The following NACC2 variants were observed in gnomAD, a reference collection of about 807,000 sequenced individuals.
NACC2 encodes NACC family member 2.
A neutral mutation model predicts 25.1 loss-of-function variants in NACC2; 8 were observed. The ratio of observed to expected loss-of-function variants is 0.32; its 90% confidence interval spans 0.19 to 0.57. The LOEUF (loss-of-function observed/expected upper bound fraction) is 0.57. NACC2 is among the 20% of genes least tolerant of loss of function. The pLI is 0.89. For synonymous variants in NACC2, 435 were observed against 294.7 expected, an observed-to-expected ratio of 1.48 and a Z score of -4.88; for missense variants, 644 against 650.2, an observed-to-expected ratio of 0.99 and a Z score of 0.10.
chr9:136,049,073 TAGGGCA>T (rs1212771588), intron 2 of NACC2, among the ~76,000 whole-genome samples: 1 of 152,170 alleles, frequency 6.6e-6, no homozygotes, highest in Non-Finnish European at 1.5e-5. Context: ...AATCTCCAAT[TAGGGCA>T]ACCTGGGTTT....
intron 1 of NACC2, among the ~76,000 whole-genome samples, chr9:136,078,797 T>C (rs923452155): frequency 1.3e-5 from 2 of 152,192 alleles, no homozygotes; most frequent in East Asian, 3.9e-4. Context: ...TGGTCCCCAG[T>C]AAGCACCCCC....
chr9:136,011,924 C>T lies in NACC2; in HGVS notation c.1356G>A (p.Leu452=), dbSNP rs1278883424. ...TNARRVRKRW[L]PKIKSMLPEG... ...CCGGCAGCATGGACTTGATCTTGGGCAGCCAGCGCTTGCGAACGCGGCGGG... is the reference window on the plus strand; with the variant it reads ...CCGGCAGCATGGACTTGATCTTGGGTAGCCAGCGCTTGCGAACGCGGCGGG... The change falls in exon 6 of 6, where the codon CTG becomes CTA. Residue 452 remains leucine (L), a synonymous_variant. Transcript: ENST00000277554. 6.3e-6 allele frequency: 10 copies of T among 1,597,676 alleles called. No individual in the cohort carries two copies. The highest frequency in any genetic ancestry group is 1.3e-5 in the African/African-American group (1 of 74,546).
chr9:136,090,197 A>G (rs1462438554), intron 1 of NACC2, among the ~76,000 whole-genome samples: 1 of 152,266 alleles, frequency 6.6e-6, no homozygotes, highest in Non-Finnish European at 1.5e-5. Flanking sequence ...AGATGGGCAC[A>G]GCCCCCGAGG....
rs1346192688 is a variant in NACC2, at chr9:136,016,304, A to C, written c.1012T>G (p.Ser338Ala). The change falls in exon 3 of 6, where the codon TCG becomes GCG. Residue 338 changes from serine (S) to alanine (A), a missense_variant. By Grantham distance (99) the Ser-to-Ala change is moderately conservative. Transcript: ENST00000277554. ...AGCTTCTCCCCGGGGTCCCCTTCCG[A>C]GTAGAGCTTGGGATGGCAGCGGTAT... ...IGYRCHPKLY[S>A]EGDPGEKLEL... The C allele has an allele frequency of 1.1e-5, 17 of 1,612,762 alleles. No homozygotes were observed. The highest frequency in any genetic ancestry group is 1.4e-5 in the Non-Finnish European group (17 of 1,179,994).
rs1830379122 is a variant in NACC2 at position 136,086,403 on chromosome 9, G to A, written c.-60+8786C>T. On this transcript the variant is annotated intron_variant, in intron 1 of 5. Coordinates refer to ENST00000277554, the MANE Select transcript of NACC2 (RefSeq NM_144653.5). The surrounding 1 kb of genome is among the most constrained non-coding windows in gnomAD (Gnocchi z 5.6). ...AGGGCTGAGCCCTGGGGCAGCTGCT[G>A]GTCTGGATGGCACCGGGCCTGGCTC... Among the ~76,000 whole-genome samples, 1 of 152,178 alleles carries A rather than the reference G, an allele frequency of 6.6e-6. No individual in the cohort carries two copies. The highest frequency in any genetic ancestry group is 2.4e-5 in the African/African-American group (1 of 41,444).
intron 1 of NACC2, among the ~76,000 whole-genome samples, chr9:136,071,914 G>A (rs114187237): frequency 0.01 from 1,537 of 152,180 alleles, 27 homozygotes; most frequent in African/African-American, 0.035. Flanking sequence ...CAAATGTGCT[G>A]AACTCCACCC....
At position 136,036,277 on chromosome 9, in the gene NACC2, T is replaced by C. The variant is rs936135462; in HGVS notation, c.886+13359A>G. On this transcript the variant is annotated intron_variant, in intron 2 of 5. Transcript: ENST00000277554. Reference sequence around the variant, plus strand: ...GACTCATTATTGAAATTCTACCTAATACCACTGTGAGAGAATCAAGGACGG... The same window carrying C: ...GACTCATTATTGAAATTCTACCTAACACCACTGTGAGAGAATCAAGGACGG... Among the ~76,000 whole-genome samples the C allele has an allele frequency of 2.2e-4, 34 of 152,144 alleles. 1 individual carries two copies. Among genetic ancestry groups the C allele is most frequent in the African/African-American group, 7.7e-4 (32 of 41,428 alleles).
At chr9:136,081,664 G>C (rs1830325807) in intron 1 of NACC2, among the ~76,000 whole-genome samples, 2 of 152,218 alleles carry the variant, frequency 1.3e-5, no homozygotes, top group Admixed American at 1.3e-4. Flanking sequence ...GAAAACCCAA[G>C]GGCCCAGGGA....
At chr9:136,057,897 T>A (rs1026733563) in intron 1 of NACC2, among the ~76,000 whole-genome samples, 8 of 152,202 alleles carry the variant, frequency 5.3e-5, no homozygotes, top group African/African-American at 1.7e-4. Context: ...TGGAGCGTGC[T>A]GGGCCCCGCT....
intron 1 of NACC2, among the ~76,000 whole-genome samples, chr9:136,091,221 C>T (rs1830431258): frequency 6.6e-6 from 1 of 152,262 alleles, no homozygotes; most frequent in Non-Finnish European, 1.5e-5. Context: ...CCCAGGCCAG[C>T]CCCAGCCGGC....
chr9:136,029,303 A>G (rs1040712923), intron 2 of NACC2, among the ~76,000 whole-genome samples: 24 of 152,112 alleles, frequency 1.6e-4, no homozygotes, highest in Non-Finnish European at 3.4e-4. Context: ...CTCAGCTGAG[A>G]GCTGAGCAGA....
chr9:136,082,654 C>A (rs566581428), intron 1 of NACC2, among the ~76,000 whole-genome samples: 31 of 105,602 alleles, frequency 2.9e-4, no homozygotes, highest in African/African-American at 7.5e-4. Context: ...GCTGCCTCCA[C>A]GGACCTGCCT....
At chr9:136,038,329 C>A (rs970432337) in intron 2 of NACC2, among the ~76,000 whole-genome samples, 1 of 152,074 alleles carries the variant, frequency 6.6e-6, no homozygotes, top group South Asian at 2.1e-4. Flanking sequence ...TGAGCCCAGG[C>A]GTTCCAGACC....
At chr9:136,029,717 C>T (rs1450987511) in intron 2 of NACC2, among the ~76,000 whole-genome samples, 7 of 81,514 alleles carry the variant, frequency 8.6e-5, no homozygotes, top group Non-Finnish European at 1.9e-4. Flanking sequence ...ATGCCTGGTA[C>T]AGCTGCAGCC....
Position 136,069,233 on chromosome 9 carries a change from T to C in NACC2, c.-59-18653A>G, listed in dbSNP as rs571630821. Among the ~76,000 whole-genome samples the C allele has an allele frequency of 6.9e-4, 105 of 151,764 alleles. 2 individuals are homozygous for C. The highest frequency in any genetic ancestry group is 3.5e-3 in the Admixed American group (53 of 15,256). ...AGGTGAGTTTCTTTTAGATAGCATA[T>C]AGCTGAGTCATATTTTAAAATGTAT... On this transcript the variant is annotated intron_variant, in intron 1 of 5. Coordinates refer to ENST00000277554, the MANE Select transcript of NACC2 (RefSeq NM_144653.5).
intron 1 of NACC2, among the ~76,000 whole-genome samples, chr9:136,089,172 A>G (rs1195333406): frequency 1.3e-5 from 2 of 151,838 alleles, no homozygotes; most frequent in Non-Finnish European, 1.5e-5. Flanking sequence ...CGGCAGCCAC[A>G]GGCTACCCCC....
chr9:136,052,674 G>C (rs1840863835), intron 1 of NACC2, among the ~76,000 whole-genome samples: 1 of 152,152 alleles, frequency 6.6e-6, no homozygotes, highest in Non-Finnish European at 1.5e-5. Flanking sequence ...AGAAAAGAGC[G>C]ACTTTGTGGC....
At chr9:136,076,766 T>A (rs1440381446) in intron 1 of NACC2, among the ~76,000 whole-genome samples, 1 of 152,164 alleles carries the variant, frequency 6.6e-6, no homozygotes, top group African/African-American at 2.4e-5. Context: ...CTCAGCACTT[T>A]GGGAGGCTGA....
chr9:136,031,007 C>G (rs188292717), intron 2 of NACC2, among the ~76,000 whole-genome samples: 1 of 152,082 alleles, frequency 6.6e-6, no homozygotes, highest in African/African-American at 2.4e-5. Context: ...CAGATATACA[C>G]AACTTACCAA....
Sources: gnomAD v4.1 joint callset for allele counts (sites outside exome capture counted in the v4.1 genomes callset) on GRCh38, gnomAD v4.1.1 for gene constraint, Gnocchi (gnomAD v3.1) non-coding constraint, MANE v1.5 for transcripts, NCBI Gene and HGNC (gene_info 2026-07-23, HGNC 2026-07-21) for gene names.